Variants in HMCN1 observed in about 807,000 individuals in gnomAD.
The protein encoded by HMCN1 is hemicentin-1.
A neutral mutation model predicts 625.9 loss-of-function variants in HMCN1; 321 were observed. The observed-to-expected ratio is 0.51, with a 90% confidence interval of 0.47 to 0.56. The LOEUF is 0.56. HMCN1 is among the 20% of genes least tolerant of loss of function. The pLI is 0.00. For synonymous variants in HMCN1, 2,425 were observed against 2,417.6 expected, an observed-to-expected ratio of 1.00 and a Z score of -0.09; for missense variants, 6,588 against 6,887.3, an observed-to-expected ratio of 0.96 and a Z score of 1.54.
intron 15 of HMCN1, among the ~76,000 whole-genome samples, chr1:185,973,106 T>C (rs1650944293): frequency 6.6e-6 from 1 of 152,110 alleles, no homozygotes; most frequent in African/African-American, 2.4e-5. Context: ...TTTCCTCATC[T>C]ATAAAATAAT....
intron 11 of HMCN1, among the ~76,000 whole-genome samples, chr1:185,947,548 A>G: frequency 6.6e-6 from 1 of 152,212 alleles, no homozygotes; most frequent in Non-Finnish European, 1.5e-5. Context: ...TAACTCCACC[A>G]TTTTGAAGAG....
intron 41 of HMCN1, among the ~76,000 whole-genome samples, chr1:186,046,238 G>C (rs1656562881): frequency 6.6e-6 from 1 of 152,112 alleles, no homozygotes; most frequent in Non-Finnish European, 1.5e-5. Context: ...GGAGGCCAAG[G>C]TGGGCGGACC....
chr1:185,922,225 G>A (rs993013555), intron 6 of HMCN1, among the ~76,000 whole-genome samples, 154 bp from the exon 7 acceptor site: 7 of 152,094 alleles, frequency 4.6e-5, no homozygotes, highest in Middle Eastern at 3.4e-3. Flanking sequence ...TTAAAATATA[G>A]AATCCTAGTT....
chr1:185,865,731 TTA>T lies in HMCN1; in HGVS notation c.499-9_499-8del. 6.2e-7 allele frequency: 1 copy of T among 1,605,228 alleles called. No individual in the cohort carries two copies. Among genetic ancestry groups the T allele is most frequent in the Non-Finnish European group, 8.5e-7 (1 of 1,174,572 alleles). On this transcript the variant is annotated splice_region_variant and splice_polypyrimidine_tract_variant and intron_variant, in intron 3 of 106. Transcript: ENST00000271588. ...CTTTACACTGTTTCTTTTTTTTTTT[TTA>T]ATCATAGGTCGTATTTGTTCTGACT... is the stretch of plus-strand genomic sequence containing the variant.
intron 34 of HMCN1, among the ~76,000 whole-genome samples, chr1:186,019,135 C>T (rs1392914267): frequency 6.6e-6 from 1 of 151,990 alleles, no homozygotes; most frequent in African/African-American, 2.4e-5. Flanking sequence ...AATAAAGTTA[C>T]CACTCCACAT....
chr1:186,021,980 G>T (rs1654752451), intron 35 of HMCN1, among the ~76,000 whole-genome samples: 1 of 152,116 alleles, frequency 6.6e-6, no homozygotes, highest in East Asian at 1.9e-4. Context: ...TTCAAAGTAG[G>T]TTCCAAAACC....
At chr1:186,186,337 G>A (rs1223687130) in intron 105 of HMCN1, among the ~76,000 whole-genome samples, 1 of 152,124 alleles carries the variant, frequency 6.6e-6, no homozygotes, top group Non-Finnish European at 1.5e-5. Context: ...GACCAGCCTG[G>A]CCAACATGGT....
chr1:185,963,918 G>A (rs770081711), intron 13 of HMCN1, 23 bp downstream of exon 13: 1 of 1,601,768 alleles, frequency 6.2e-7, no homozygotes. Context: ...ACTTTAAAAG[G>A]CAATTAAAAT....
intron 42 of HMCN1, among the ~76,000 whole-genome samples, chr1:186,051,373 G>A (rs1424840172): frequency 6.6e-6 from 1 of 152,052 alleles, no homozygotes; most frequent in Non-Finnish European, 1.5e-5. Context: ...GGAACAAAGA[G>A]GGTTGAGTTC....
chr1:186,110,405 C>T (rs921009608), intron 71 of HMCN1, among the ~76,000 whole-genome samples: 27 of 152,072 alleles, frequency 1.8e-4, no homozygotes, highest in African/African-American at 6.3e-4. Flanking sequence ...GTAGGAGACA[C>T]CGGTGTACTA....
chr1:186,125,182 T>C (rs888915413), intron 81 of HMCN1, among the ~76,000 whole-genome samples: 11 of 152,138 alleles, frequency 7.2e-5, no homozygotes. Flanking sequence ...TGTTTTATAG[T>C]GTTTTATGGT....
chr1:185,979,617 T>C (rs778359288), intron 16 of HMCN1, among the ~76,000 whole-genome samples: 14 of 152,290 alleles, frequency 9.2e-5, no homozygotes, highest in Non-Finnish European at 1.8e-4. Context: ...TTAGAACTAA[T>C]GTATGATTTA....
chr1:185,923,571 C>T lies in HMCN1; in HGVS notation c.1203C>T (p.Phe401=). 6.2e-7 allele frequency: 1 copy of T among 1,610,862 alleles called. No homozygotes were observed. Among genetic ancestry groups the T allele is most frequent in the East Asian group, 2.2e-5 (1 of 44,746 alleles). ...ISDFVPPNEA[F]FLKVTGYDKD... is the part of the protein sequence containing the mutation. ...ACTTTGTACCACCAAATGAAGCTTT[C>T]TTTCTCAAAGTAACAGGCTATGATA... Residue 401 remains phenylalanine, a synonymous_variant, in exon 8 of 107, where the codon TTC becomes TTT. Coordinates refer to ENST00000271588, the MANE Select transcript of HMCN1 (RefSeq NM_031935.3).
chr1:186,088,795 T>A (rs767912852), intron 63 of HMCN1, 40 bp downstream of exon 63: 1 of 1,554,258 alleles, frequency 6.4e-7, no homozygotes, highest in South Asian at 1.1e-5. Flanking sequence ...AATTTCTTTG[T>A]TATTCCATTT....
chr1:186,035,717 A>G (rs1445239329), intron 36 of HMCN1, among the ~76,000 whole-genome samples: 1 of 152,038 alleles, frequency 6.6e-6, no homozygotes, highest in Non-Finnish European at 1.5e-5. Flanking sequence ...GTTGATTTAT[A>G]TTTTATAGCT....
rs1363710727 is a variant in HMCN1 at position 186,190,892 on chromosome 1, A to C, written c.*1014A>C. 3 of 183,214 alleles carry C rather than the reference A, an allele frequency of 1.6e-5. No individual in the cohort carries two copies. The highest frequency in any genetic ancestry group is 1.2e-5 in the Non-Finnish European group (1 of 86,026). The allele number at this position is 183,214 out of a possible 1,614,324, so 11.3% of individuals were successfully genotyped here. A position where few individuals can be genotyped will look rare whatever the true frequency, so the allele number is the denominator to read the frequency against. On this transcript the variant is annotated 3_prime_UTR_variant, in exon 107 of 107. Coordinates refer to ENST00000271588, the MANE Select transcript of HMCN1 (RefSeq NM_031935.3). ...GGACTCTTTTATAAAATTATTTTAT[A>C]AAAAACAATGTTACACTAAAATCAG...
intron 14 of HMCN1, among the ~76,000 whole-genome samples, chr1:185,966,571 C>CCTGCTT (rs1467322703): frequency 1.3e-5 from 2 of 152,094 alleles, no homozygotes; most frequent in African/African-American, 4.8e-5. Flanking sequence ...TGTAAAAAGC[C>CCTGCTT]CTGCTTCTGC....
chr1:186,137,468 C>G (rs200718744), intron 87 of HMCN1, 30 bp from the exon 88 acceptor site: 2 of 1,608,052 alleles, frequency 1.2e-6, no homozygotes, highest in Non-Finnish European at 1.7e-6. Context: ...TTTGCAAAAG[C>G]TTAGACAAAG....
chr1:186,189,436 G>C, intron 106 of HMCN1, 76 bp from the exon 107 acceptor site: 1 of 1,552,756 alleles, frequency 6.4e-7, no homozygotes, highest in South Asian at 1.1e-5. Context: ...AAGTTGTCAT[G>C]GATCATGATC....
Sources: allele counts gnomAD v4.1 joint callset (sites outside exome capture counted in the v4.1 genomes callset), GRCh38; gene constraint gnomAD v4.1.1; transcripts MANE v1.5; gene names NCBI Gene and HGNC (gene_info 2026-07-23, HGNC 2026-07-21).